Variants in ERBB4 observed in about 807,000 individuals in gnomAD.
The protein encoded by ERBB4 is receptor tyrosine-protein kinase erbB-4.
Under a neutral mutation model 158.0 loss-of-function variants are expected in ERBB4, and 42 were observed. The ratio of observed to expected loss-of-function variants is 0.27; its 90% CI spans 0.21 to 0.34. The LOEUF (loss-of-function observed/expected upper bound fraction) is 0.34, where lower values mean the gene tolerates loss of function less well. ERBB4 is among the 10% of genes least tolerant of loss of function. The pLI is 1.00. For synonymous variants in ERBB4, 583 were observed against 558.7 expected (o/e 1.04, Z -0.61); for missense variants, 1,333 against 1,624.1 (o/e 0.82, Z 3.08).
At chr2:211,905,772 G>T (rs1394295699) in intron 3 of ERBB4, among the ~76,000 whole-genome samples, 1 of 135,176 alleles carries the variant, frequency 7.4e-6, no homozygotes, top group Admixed American at 7.4e-5. Flanking sequence ...ATACTATTAT[G>T]TATACAACAC....
intron 1 of ERBB4, among the ~76,000 whole-genome samples, chr2:212,196,624 G>A (rs917792322): frequency 6.6e-6 from 1 of 152,066 alleles, no homozygotes; most frequent in African/African-American, 2.4e-5. Flanking sequence ...AGGAGGTAAG[G>A]AAAGAAGCAG....
Position 212,102,880 on chromosome 2 carries a change from A to G in ERBB4, c.234+21872T>C, listed in dbSNP as rs6435687. On this transcript the variant is annotated intron_variant, in intron 2 of 27. Coordinates refer to ENST00000342788, the MANE Select transcript of ERBB4 (RefSeq NM_005235.3). The stretch of plus-strand genomic sequence containing the variant: ...CCAAAACACATCTCACATCTGTTCA[A>G]TCCTCTCAAACTGCAATAACTTTCA... Among the ~76,000 whole-genome samples the G allele has an allele frequency of 2.0e-4, 31 of 152,236 alleles. No individual in the cohort carries two copies. In the South Asian group the frequency reaches 2.5e-3, roughly 12 times the overall value.
At chr2:211,822,382 C>T (rs905886207) in intron 3 of ERBB4, among the ~76,000 whole-genome samples, 5 of 152,010 alleles carry the variant, frequency 3.3e-5, no homozygotes, top group Non-Finnish European at 7.4e-5. Context: ...TGTATCACAA[C>T]ATCACTATGT....
rs775193964 is a variant in ERBB4, at chr2:212,108,706, C to CTTTTTT, written c.234+16040_234+16045dup. On this transcript the variant is annotated intron_variant, in intron 2 of 27. Coordinates refer to ENST00000342788, the MANE Select transcript of ERBB4 (RefSeq NM_005235.3). ...CATGGAAATGTTAGAAATGGGTCTGCTTTTTTTTTTTTTTTTTTTTTTCAG... is the reference window on the plus strand; with the variant it reads ...CATGGAAATGTTAGAAATGGGTCTGCTTTTTTTTTTTTTTTTTTTTTTTTTTTTCAG... 2.1e-4 allele frequency among the ~76,000 whole-genome samples: 20 copies of CTTTTTT among 97,048 alleles called. 1 individual carries two copies. Among genetic ancestry groups the CTTTTTT allele is most frequent in the African/African-American group, 5.5e-4 (14 of 25,420 alleles). 63.7% of individuals were successfully genotyped at this position (97,048 alleles called of 152,430 possible).
chr2:211,543,864 AAAAG>A (rs2066876305), intron 20 of ERBB4, among the ~76,000 whole-genome samples: 1 of 151,918 alleles, frequency 6.6e-6, no homozygotes, highest in South Asian at 2.1e-4. Context: ...AAGAAAAAGA[AAAAG>A]AAAGGTTTTC....
At chr2:212,234,357 C>T (rs62182608) in intron 1 of ERBB4, among the ~76,000 whole-genome samples, 21,721 of 152,070 alleles carry the variant, frequency 0.14, 2,052 homozygotes, top group Non-Finnish European at 0.2. Flanking sequence ...GTATATGTGT[C>T]ACCTTTTCTT....
intron 25 of ERBB4, among the ~76,000 whole-genome samples, chr2:211,389,526 T>C (rs1046876607): frequency 6.6e-6 from 1 of 152,206 alleles, no homozygotes; most frequent in African/African-American, 2.4e-5. Flanking sequence ...AGTGAGGTTA[T>C]ATCTTAATTT....
intron 2 of ERBB4, among the ~76,000 whole-genome samples, chr2:212,014,087 A>G (rs1219552990): frequency 6.6e-6 from 1 of 152,192 alleles, no homozygotes; most frequent in Admixed American, 6.5e-5. Flanking sequence ...ATACTGGAGA[A>G]AAACCTCTCT....
intron 4 of ERBB4, among the ~76,000 whole-genome samples, chr2:211,772,928 T>C (rs71350754): frequency 0.11 from 3,013 of 27,400 alleles, 316 homozygotes; most frequent in African/African-American, 0.21. Flanking sequence ...CACACACATA[T>C]ATATATATAT....
chr2:212,213,636 C>G (rs1050561855), intron 1 of ERBB4, among the ~76,000 whole-genome samples: 1 of 151,782 alleles, frequency 6.6e-6, no homozygotes, highest in Non-Finnish European at 1.5e-5. Context: ...AAGTAATTTT[C>G]TGAAAAAATA....
chr2:211,843,163 G>T (rs2106007098), intron 3 of ERBB4, among the ~76,000 whole-genome samples: 1 of 152,166 alleles, frequency 6.6e-6, no homozygotes, highest in South Asian at 2.1e-4. Context: ...TTATTATGTT[G>T]TTTTGAATAT....
chr2:212,103,598 A>G (rs1271334815), intron 2 of ERBB4, among the ~76,000 whole-genome samples: 1 of 152,102 alleles, frequency 6.6e-6, no homozygotes, highest in Non-Finnish European at 1.5e-5. Context: ...AAAGATAAAC[A>G]TAATTCTGGG....
chr2:212,185,007 AG>A (rs2081975370), intron 1 of ERBB4, among the ~76,000 whole-genome samples: 1 of 127,540 alleles, frequency 7.8e-6, no homozygotes, highest in African/African-American at 3.1e-5. Flanking sequence ...TAGATATCAC[AG>A]TTACTTTTTT....
intron 4 of ERBB4, among the ~76,000 whole-genome samples, chr2:211,780,138 G>T (rs1345198073): frequency 6.6e-6 from 1 of 152,172 alleles, no homozygotes; most frequent in African/African-American, 2.4e-5. Context: ...GTGGCGGGAG[G>T]ATAACTTGTG....
At chr2:211,518,716 T>C (rs968113496) in intron 20 of ERBB4, among the ~76,000 whole-genome samples, 3 of 152,084 alleles carry the variant, frequency 2.0e-5, no homozygotes, top group African/African-American at 7.2e-5. Flanking sequence ...TATATTAGGC[T>C]GTAGACGATT....
At chr2:211,946,268 G>T (rs1310181721) in intron 3 of ERBB4, among the ~76,000 whole-genome samples, 1 of 151,882 alleles carries the variant, frequency 6.6e-6, no homozygotes, top group African/African-American at 2.4e-5. Context: ...TATTTCATAT[G>T]TCTGGTTAAC....
At chr2:212,099,938 A>C (rs913903658) in intron 2 of ERBB4, among the ~76,000 whole-genome samples, 1 of 152,070 alleles carries the variant, frequency 6.6e-6, no homozygotes, top group Admixed American at 6.6e-5. Context: ...ACAGATAACC[A>C]CCTCTAGCAA....
chr2:212,313,292 G>A (rs566611674), intron 1 of ERBB4, among the ~76,000 whole-genome samples: 1 of 150,774 alleles, frequency 6.6e-6, no homozygotes, highest in South Asian at 2.1e-4. Context: ...ATCAAATAAG[G>A]TAAATAAAAG....
intron 2 of ERBB4, among the ~76,000 whole-genome samples, chr2:212,002,540 A>G (rs1239094854): frequency 6.6e-6 from 1 of 152,206 alleles, no homozygotes; most frequent in Non-Finnish European, 1.5e-5. Flanking sequence ...AATTCTAAAA[A>G]TAAAATAAAC....
Sources: allele counts gnomAD v4.1 joint callset (sites outside exome capture counted in the v4.1 genomes callset), GRCh38; gene constraint gnomAD v4.1.1; transcripts MANE v1.5; gene names NCBI Gene and HGNC (gene_info 2026-07-23, HGNC 2026-07-21).